CPLANE1: variants seen among roughly 807,000 people sequenced by gnomAD.
CPLANE1 encodes the protein ciliogenesis and planar polarity effector complex subunit 1, also known as ciliogenesis and planar polarity effector 1.
A neutral mutation model predicts 362.5 loss-of-function variants in CPLANE1; 263 were observed. The observed-to-expected ratio is 0.73, with a 90% CI of 0.66 to 0.80. CPLANE1 has a LOEUF of 0.80. CPLANE1 is among the 30% of genes least tolerant of loss of function. The pLI, the probability that CPLANE1 is intolerant of heterozygous loss-of-function variation, is 0.00. For synonymous variants in CPLANE1, 1,212 were observed against 1,302.6 expected, an observed-to-expected ratio of 0.93 and a Z score of 1.50; for missense variants, 3,461 against 3,793.4, an observed-to-expected ratio of 0.91 and a Z score of 2.30.
At chr5:37,208,817 TTGA>T (rs982616018) in intron 16 of CPLANE1, among the ~76,000 whole-genome samples, 4 of 152,054 alleles carry the variant, frequency 2.6e-5, no homozygotes, top group Non-Finnish European at 5.9e-5. Flanking sequence ...TTATAACCAT[TTGA>T]TATATCTTGT....
At chr5:37,219,396 C>T (rs374051906) in intron 15 of CPLANE1, among the ~76,000 whole-genome samples, 21 of 151,808 alleles carry the variant, frequency 1.4e-4, no homozygotes, top group African/African-American at 4.6e-4. Context: ...GGCATGGTGG[C>T]GCATGCCTGT....
At chr5:37,229,275 C>T (rs1163453185) in intron 9 of CPLANE1, among the ~76,000 whole-genome samples, 2 of 151,412 alleles carry the variant, frequency 1.3e-5, no homozygotes, top group Admixed American at 6.6e-5. Flanking sequence ...TCGAGGAGGC[C>T]GGGCGCGGTG....
At chr5:37,210,188 A>T (rs1383422971) in intron 16 of CPLANE1, 1 of 1,417,316 alleles carries the variant, frequency 7.1e-7, no homozygotes, top group East Asian at 2.3e-5. Context: ...AAAAGCACCA[A>T]GAGATTGAAA....
chr5:37,184,465 C>T (rs1783456927), intron 25 of CPLANE1, among the ~76,000 whole-genome samples: 1 of 151,872 alleles, frequency 6.6e-6, no homozygotes, highest in Non-Finnish European at 1.5e-5. Flanking sequence ...ACTCAGTAAC[C>T]TCAAACTATT....
At chr5:37,113,809 G>T (rs1273475067) in intron 51 of CPLANE1, among the ~76,000 whole-genome samples, 1 of 151,880 alleles carries the variant, frequency 6.6e-6, no homozygotes, top group Non-Finnish European at 1.5e-5. Flanking sequence ...AACTAGTGGG[G>T]TTTTTTTGTT....
chr5:37,243,185 C>G, intron 5 of CPLANE1, 66 bp from the exon 6 acceptor site: 1 of 879,454 alleles, frequency 1.1e-6, no homozygotes, highest in Non-Finnish European at 1.7e-6. Flanking sequence ...TACTAAAATA[C>G]ATATATATAT....
intron 38 of CPLANE1, among the ~76,000 whole-genome samples, chr5:37,158,769 C>T (rs1775927945): frequency 6.6e-6 from 1 of 150,924 alleles, no homozygotes; most frequent in South Asian, 2.1e-4. Flanking sequence ...TTATTGACAG[C>T]TTTATTGAAA....
rs74950744 is a variant in CPLANE1, at chr5:37,122,489, C to T, written c.8959-1G>A. On this transcript the variant is annotated splice_acceptor_variant, in intron 47 of 52. Coordinates refer to ENST00000651892, the MANE Select transcript of CPLANE1 (RefSeq NM_001384732.1). LOFTEE classifies it high-confidence loss of function. The stretch of plus-strand genomic sequence containing the variant: ...TTATTTCCCTTGAAGTCATGTAAAG[C>T]TGCATAAAAAATACCCAGTTGGTTC... 2 of 1,608,452 alleles carry T rather than the reference C, an allele frequency of 1.2e-6. No individual in the cohort carries two copies. Among genetic ancestry groups the T allele is most frequent in the South Asian group, 2.2e-5 (2 of 89,524 alleles).
chr5:37,217,627 AAAT>A (rs1277311416), intron 15 of CPLANE1, among the ~76,000 whole-genome samples: 1 of 151,296 alleles, frequency 6.6e-6, no homozygotes, highest in Non-Finnish European at 1.5e-5. Context: ...ATAAATAAAT[AAAT>A]AAATAAATAA....
chr5:37,126,321 CT>C (rs1764120395), intron 46 of CPLANE1, among the ~76,000 whole-genome samples: 1 of 152,218 alleles, frequency 6.6e-6, no homozygotes, highest in African/African-American at 2.4e-5. Flanking sequence ...TCATGCCACA[CT>C]TTCCATAGTC....
chr5:37,145,501 G>C (rs1771274267), intron 43 of CPLANE1, among the ~76,000 whole-genome samples: 1 of 152,142 alleles, frequency 6.6e-6, no homozygotes, highest in African/African-American at 2.4e-5. Flanking sequence ...TGTGATGATA[G>C]CATACTACAA....
At position 37,227,766 on chromosome 5, in the gene CPLANE1, A is replaced by C. The variant is rs61733482; in HGVS notation, c.1173T>G (p.Ala391=). The C allele has an allele frequency of 5.0e-4, 782 of 1,551,188 alleles. 2 individuals are homozygous for C. The African/African-American group carries it at 9.4e-3, about 19-fold the overall frequency. The change falls in exon 10 of 53, where the codon GCT becomes GCG. Residue 391 remains alanine (A), a synonymous_variant. Coordinates refer to ENST00000651892, the MANE Select transcript of CPLANE1 (RefSeq NM_001384732.1). The part of the protein sequence containing the change: ...QDSNNSVDSS[A]SDSDPMRQRF... ...TCTGTCTCATAGGGTCACTATCAGAAGCTGATGAATCAACAGAATTATTTG... is the reference window on the plus strand; with the variant it reads ...TCTGTCTCATAGGGTCACTATCAGACGCTGATGAATCAACAGAATTATTTG...
At chr5:37,130,994 G>T (rs1213570962) in intron 46 of CPLANE1, among the ~76,000 whole-genome samples, 1 of 152,208 alleles carries the variant, frequency 6.6e-6, no homozygotes, top group Non-Finnish European at 1.5e-5. Context: ...GTTATAGGCT[G>T]CAGTGAATGT....
the CPLANE1 span, among the ~76,000 whole-genome samples, chr5:37,077,934 A>AGAT: frequency 1.3e-5 from 2 of 151,788 alleles, no homozygotes; most frequent in African/African-American, 4.8e-5. Context: ...TTTTTTGTAG[A>AGAT]GATGGGATCT....
chr5:37,243,867 T>G (rs79721519), intron 5 of CPLANE1, among the ~76,000 whole-genome samples: 7 of 148,982 alleles, frequency 4.7e-5, no homozygotes, highest in Non-Finnish European at 8.9e-5. Flanking sequence ...TTTTTTTTTT[T>G]GAGACAGAGT....
At chr5:37,115,603 T>C (rs1342085497) in intron 50 of CPLANE1, among the ~76,000 whole-genome samples, 3 of 148,590 alleles carry the variant, frequency 2.0e-5, no homozygotes, top group Non-Finnish European at 4.5e-5. Flanking sequence ...ATTTCTTTTT[T>C]TTTTTTTTTT....
intron 51 of CPLANE1, among the ~76,000 whole-genome samples, chr5:37,109,848 G>A (rs1251642330): frequency 6.6e-6 from 1 of 152,092 alleles, no homozygotes; most frequent in Non-Finnish European, 1.5e-5. Flanking sequence ...GTAGAGATGG[G>A]GTTTCACCAT....
At position 37,245,713 on chromosome 5, in the gene CPLANE1, T is replaced by A; in HGVS notation, c.214A>T (p.Asn72Tyr). ...GAAAATATCAGTACTACTTAACCATTACTGGATGTTGTTAGGACAATAACA... is the reference window on the plus strand; with the variant it reads ...GAAAATATCAGTACTACTTAACCATAACTGGATGTTGTTAGGACAATAACA... Reference protein sequence around the residue: ...KDVIVLTTSSNDAWLAGVLTT... With the variant: ...KDVIVLTTSSYDAWLAGVLTT... Residue 72 changes from asparagine to tyrosine, a missense_variant, in exon 3 of 53, where the codon AAT becomes TAT. Physicochemically the swap from Asn to Tyr is moderately radical, Grantham distance 143 (BLOSUM62 -2). Coordinates refer to ENST00000651892, the MANE Select transcript of CPLANE1 (RefSeq NM_001384732.1). 6.6e-7 allele frequency: 1 copy of A among 1,511,282 alleles called. No individual in the cohort carries two copies. The allele number at this position is 1,511,282 out of a possible 1,614,324, so 93.6% of individuals were successfully genotyped here.
the CPLANE1 span, among the ~76,000 whole-genome samples, chr5:37,080,748 C>T: frequency 1.3e-5 from 2 of 152,216 alleles, no homozygotes; most frequent in African/African-American, 4.8e-5. Flanking sequence ...ATACTCCAGA[C>T]ATCCAGCTTA....
Sources: allele counts gnomAD v4.1 joint callset (sites outside exome capture counted in the v4.1 genomes callset), GRCh38; gene constraint gnomAD v4.1.1; transcripts MANE v1.5; gene names NCBI Gene and HGNC (gene_info 2026-07-23, HGNC 2026-07-21).